LRRTM3: variants seen among roughly 807,000 people sequenced by gnomAD.
LRRTM3 encodes leucine rich repeat transmembrane neuronal 3, also known as leucine-rich repeat transmembrane neuronal protein 3.
LRRTM3 carries 24 observed loss-of-function variants against 44.7 expected under a neutral mutation model. The observed-to-expected ratio is 0.54, with a 90% CI of 0.39 to 0.76. The LOEUF is 0.76. Ranked by LOEUF, LRRTM3 falls within the 30% of genes least tolerant of loss-of-function variation. The pLI, the probability that LRRTM3 is intolerant of heterozygous loss-of-function variation, is 0.00. For synonymous variants in LRRTM3, 277 were observed against 278.7 expected, an observed-to-expected ratio of 0.99 and a Z score of 0.06; for missense variants, 587 against 702.2, an observed-to-expected ratio of 0.84 and a Z score of 1.85.
chr10:67,085,860 A>G (rs1444804481), intron 2 of LRRTM3, among the ~76,000 whole-genome samples: 1 of 152,050 alleles, frequency 6.6e-6, no homozygotes, highest in Non-Finnish European at 1.5e-5. Context: ...TTATGTTAAT[A>G]TCAATGAAAT....
chr10:67,052,392 T>G (rs1314860342), intron 2 of LRRTM3, among the ~76,000 whole-genome samples: 1 of 150,978 alleles, frequency 6.6e-6, no homozygotes, highest in Non-Finnish European at 1.5e-5. Context: ...TACTGTCTAT[T>G]CCATGGGCTT....
At chr10:66,986,497 GCTA>G (rs777683681) in intron 2 of LRRTM3, among the ~76,000 whole-genome samples, 61,969 of 151,812 alleles carry the variant, frequency 0.41, 13,218 homozygotes, top group South Asian at 0.6. Context: ...ACTCCATCTT[GCTA>G]AACTAAACTA....
chr10:67,027,956 T>C (rs1033582562), intron 2 of LRRTM3, among the ~76,000 whole-genome samples: 1 of 152,210 alleles, frequency 6.6e-6, no homozygotes, highest in Non-Finnish European at 1.5e-5. Context: ...AATCTCCATC[T>C]GTTTTCTCAC....
chr10:67,014,545 C>A (rs1476579539), intron 2 of LRRTM3, among the ~76,000 whole-genome samples: 1 of 152,090 alleles, frequency 6.6e-6, no homozygotes, highest in African/African-American at 2.4e-5. Flanking sequence ...TTCCTATGAT[C>A]TCTTTTATTT....
At chr10:66,962,927 C>G (rs1256639098) in intron 2 of LRRTM3, among the ~76,000 whole-genome samples, 2 of 152,100 alleles carry the variant, frequency 1.3e-5, no homozygotes, top group East Asian at 3.9e-4. Flanking sequence ...GTTCACAGAT[C>G]TCTCCCCAGT....
At position 66,976,570 on chromosome 10, in the gene LRRTM3, T is replaced by C. The variant is rs567601812; in HGVS notation, c.1536+48118T>C. ...ATGACATCATCTCTTCCTAAAAATCTACAGTGACTTCCCTAAAGAAAAATG... is the reference window on the plus strand; with the variant it reads ...ATGACATCATCTCTTCCTAAAAATCCACAGTGACTTCCCTAAAGAAAAATG... On this transcript the variant is annotated intron_variant, in intron 2 of 2. Coordinates refer to ENST00000361320, the MANE Select transcript of LRRTM3 (RefSeq NM_178011.5). 4.7e-4 allele frequency among the ~76,000 whole-genome samples: 72 copies of C among 152,318 alleles called. No individual in the cohort carries two copies. The South Asian group carries it at 0.014, about 31-fold the overall frequency.
chr10:66,926,383 G>C lies in LRRTM3; in HGVS notation c.-201G>C. ...TGTTTTGCTGCGAATGCGGTGTTGGGATTTATTTGTTCTTGGAGTGTTCTG... is the reference window on the plus strand; with the variant it reads ...TGTTTTGCTGCGAATGCGGTGTTGGCATTTATTTGTTCTTGGAGTGTTCTG... On this transcript the variant is annotated 5_prime_UTR_variant, in exon 1 of 3. Coordinates refer to ENST00000361320, the MANE Select transcript of LRRTM3 (RefSeq NM_178011.5). The C allele has an allele frequency of 3.0e-6, 2 of 666,690 alleles. No individual in the cohort carries two copies. The highest frequency in any genetic ancestry group is 2.7e-6 in the Non-Finnish European group (1 of 369,490). The allele number at this position is 666,690 out of a possible 1,614,324, so 41.3% of individuals were successfully genotyped here.
intron 2 of LRRTM3, among the ~76,000 whole-genome samples, chr10:67,031,199 T>C (rs1853705548): frequency 6.6e-6 from 1 of 152,180 alleles, no homozygotes; most frequent in African/African-American, 2.4e-5. Flanking sequence ...TTATATAAAT[T>C]GATATATATG....
Position 66,927,339 on chromosome 10 carries a change from C to T in LRRTM3, c.423C>T (p.Ser141=), listed in dbSNP as rs1290739161. 1 of 1,614,134 alleles carries T rather than the reference C, an allele frequency of 6.2e-7. No individual in the cohort carries two copies. The highest frequency in any genetic ancestry group is 8.5e-7 in the Non-Finnish European group (1 of 1,180,026). The change falls in exon 2 of 3, where the codon TCC becomes TCT. Residue 141 remains serine (S), a synonymous_variant. Transcript: ENST00000361320. The surrounding 1 kb of genome is among the most constrained non-coding windows in gnomAD (Gnocchi z 4.7). ...CAAATTTACGGAACTTGGATCTGTCCTATAATCAGCTGCATTCTCTGGGAT... is the reference window on the plus strand; with the variant it reads ...CAAATTTACGGAACTTGGATCTGTCTTATAATCAGCTGCATTCTCTGGGAT... ...PVTNLRNLDL[S]YNQLHSLGSE...
chr10:67,052,218 T>G (rs527843627), intron 2 of LRRTM3, among the ~76,000 whole-genome samples: 202 of 152,140 alleles, frequency 1.3e-3, no homozygotes, highest in African/African-American at 4.6e-3. Context: ...TATTTTTAAC[T>G]CCGAGAAAAT....
chr10:67,013,240 ATT>A (rs1426536242), intron 2 of LRRTM3, among the ~76,000 whole-genome samples: 2 of 151,536 alleles, frequency 1.3e-5, no homozygotes, highest in Non-Finnish European at 2.9e-5. Context: ...TTAATACTCT[ATT>A]AAGTTGCCTC....
chr10:66,926,542 C>G lies in LRRTM3; in HGVS notation c.-42C>G. 1 of 1,613,088 alleles carries G rather than the reference C, an allele frequency of 6.2e-7. No individual in the cohort carries two copies. The highest frequency in any genetic ancestry group is 8.5e-7 in the Non-Finnish European group (1 of 1,179,628). On this transcript the variant is annotated 5_prime_UTR_variant, in exon 1 of 3. Coordinates refer to ENST00000361320, the MANE Select transcript of LRRTM3 (RefSeq NM_178011.5). ...GCTGTCATGCAACTGGCCCCTAAGC[C>G]AAAGCAAAAGACCTAAGGACGACCT...
chr10:67,011,669 C>T (rs543165314), intron 2 of LRRTM3, among the ~76,000 whole-genome samples: 32 of 152,192 alleles, frequency 2.1e-4, no homozygotes, highest in Non-Finnish European at 3.8e-4. Flanking sequence ...ATAATGATGA[C>T]GATAGCAAAT....
chr10:67,088,540 G>A (rs911920323), intron 2 of LRRTM3, among the ~76,000 whole-genome samples: 1 of 151,840 alleles, frequency 6.6e-6, no homozygotes, highest in Non-Finnish European at 1.5e-5. Context: ...TGGACTAGGG[G>A]CATTACTGAA....
At chr10:66,970,499 G>T (rs1405696303) in intron 2 of LRRTM3, among the ~76,000 whole-genome samples, 3 of 124,846 alleles carry the variant, frequency 2.4e-5, no homozygotes, top group South Asian at 2.5e-4. Context: ...CTATATTCTT[G>T]GGTGGGGGGG....
intron 2 of LRRTM3, among the ~76,000 whole-genome samples, chr10:67,059,171 T>A (rs2133212435): frequency 6.6e-6 from 1 of 152,294 alleles, no homozygotes; most frequent in Non-Finnish European, 1.5e-5. Flanking sequence ...CAAGGTAACA[T>A]AACATCCACT....
chr10:67,074,511 C>T (rs7902260), intron 2 of LRRTM3, among the ~76,000 whole-genome samples: 6,503 of 151,570 alleles, frequency 0.043, 441 homozygotes, highest in African/African-American at 0.14. Context: ...CCACCACGCC[C>T]GGCTAATTTT....
At chr10:67,059,095 G>C (rs1479858643) in intron 2 of LRRTM3, among the ~76,000 whole-genome samples, 1 of 152,124 alleles carries the variant, frequency 6.6e-6, no homozygotes, top group Non-Finnish European at 1.5e-5. Context: ...ACTTAGTCTT[G>C]AGAATCTAAT....
At chr10:67,030,095 T>C (rs1041526245) in intron 2 of LRRTM3, among the ~76,000 whole-genome samples, 1 of 152,250 alleles carries the variant, frequency 6.6e-6, no homozygotes, top group South Asian at 2.1e-4. Flanking sequence ...TGTATTTTAA[T>C]CATCAAAATA....
Sources: allele counts gnomAD v4.1 joint callset (sites outside exome capture counted in the v4.1 genomes callset), GRCh38; gene constraint gnomAD v4.1.1; non-coding constraint Gnocchi (gnomAD v3.1); transcripts MANE v1.5; gene names NCBI Gene and HGNC (gene_info 2026-07-23, HGNC 2026-07-21).